Variants in THRB observed in about 807,000 individuals in gnomAD.
THRB encodes nuclear receptor subfamily 1 group A member 2.
In THRB, 12 loss-of-function variants were observed where a neutral mutation model predicts 47.8. The observed-to-expected ratio is 0.25, with a 90% CI of 0.16 to 0.41. The LOEUF is 0.41. THRB is among the 10% of genes least tolerant of loss of function. THRB has a pLI of 1.00. For synonymous variants in THRB, 218 were observed against 212.2 expected, an observed-to-expected ratio of 1.03 and a Z score of -0.24; for missense variants, 348 against 589.2, an observed-to-expected ratio of 0.59 and a Z score of 4.24.
intron 1 of THRB, among the ~76,000 whole-genome samples, chr3:24,469,566 C>T (rs1412000234): frequency 6.6e-6 from 1 of 152,182 alleles, no homozygotes; most frequent in African/African-American, 2.4e-5. Context: ...ATTCAACCTA[C>T]TTCTGAAGAG....
At chr3:24,185,657 T>C (rs566382794) in intron 5 of THRB, among the ~76,000 whole-genome samples, 11 of 152,260 alleles carry the variant, frequency 7.2e-5, no homozygotes, top group African/African-American at 2.6e-4. Context: ...CTGCCTTGTT[T>C]CTCCCCTTGG....
intron 4 of THRB, among the ~76,000 whole-genome samples, chr3:24,226,372 T>C (rs140404831): frequency 6.6e-6 from 1 of 152,192 alleles, no homozygotes; most frequent in African/African-American, 2.4e-5. Flanking sequence ...GAAAAGAACA[T>C]TGTTTTATCT....
chr3:24,219,922 G>A (rs1451755649), intron 4 of THRB, among the ~76,000 whole-genome samples: 1 of 152,188 alleles, frequency 6.6e-6, no homozygotes, highest in Non-Finnish European at 1.5e-5. Flanking sequence ...CAGATGCGTA[G>A]CGGAATCACT....
intron 2 of THRB, among the ~76,000 whole-genome samples, chr3:24,313,128 T>C (rs1444507232): frequency 1.3e-5 from 2 of 152,112 alleles, no homozygotes; most frequent in African/African-American, 2.4e-5. Context: ...TGCCGCCATT[T>C]ACTGAGATGG....
intron 1 of THRB, among the ~76,000 whole-genome samples, chr3:24,453,771 T>A (rs750669048): frequency 6.6e-6 from 1 of 152,180 alleles, no homozygotes; most frequent in South Asian, 2.1e-4. Context: ...TCTCCTACCC[T>A]TCTCTACCTT....
At chr3:24,351,753 AACACCTGTAGGACAGAC>A (rs2063369863) in intron 1 of THRB, among the ~76,000 whole-genome samples, 1 of 152,184 alleles carries the variant, frequency 6.6e-6, no homozygotes. Flanking sequence ...TGAGAAGCTT[AACACCTGTAGGACAGAC>A]ACTTCCTGTC....
chr3:24,440,965 T>G (rs1187704967), intron 1 of THRB, among the ~76,000 whole-genome samples: 1 of 152,220 alleles, frequency 6.6e-6, no homozygotes, highest in Non-Finnish European at 1.5e-5. Flanking sequence ...AGCCCTTTGT[T>G]CAGGATCTCA....
At chr3:24,456,331 TC>T (rs1358550450) in intron 1 of THRB, among the ~76,000 whole-genome samples, 2 of 148,774 alleles carry the variant, frequency 1.3e-5, no homozygotes, top group Non-Finnish European at 3.0e-5. Context: ...TGAGACCCTG[TC>T]TAAAAAAAAA....
chr3:24,200,354 T>C (rs1045056293), intron 4 of THRB, among the ~76,000 whole-genome samples: 1 of 152,224 alleles, frequency 6.6e-6, no homozygotes, highest in African/African-American at 2.4e-5. Context: ...GTGAATCTTT[T>C]CTGACTTTGG....
At chr3:24,216,621 T>C (rs138892490) in intron 4 of THRB, among the ~76,000 whole-genome samples, 11 of 152,036 alleles carry the variant, frequency 7.2e-5, no homozygotes, top group African/African-American at 2.4e-4. Context: ...AAAAAAAATA[T>C]ATGAATTGCT....
chr3:24,491,775 C>T (rs1698175750), intron 1 of THRB, among the ~76,000 whole-genome samples: 2 of 152,332 alleles, frequency 1.3e-5, no homozygotes, highest in South Asian at 4.1e-4. Context: ...TGGAATTTCA[C>T]TCTTAGCACT....
chr3:24,426,867 A>T (rs2069820327), intron 1 of THRB, among the ~76,000 whole-genome samples: 1 of 152,004 alleles, frequency 6.6e-6, no homozygotes, highest in Non-Finnish European at 1.5e-5. Flanking sequence ...CCCATATGGA[A>T]TACGCTTGTG....
intron 5 of THRB, among the ~76,000 whole-genome samples, chr3:24,186,807 A>G (rs757995404): frequency 2.6e-5 from 4 of 151,938 alleles, no homozygotes; most frequent in Admixed American, 6.6e-5. Flanking sequence ...TTAGCTGGGC[A>G]TGTGGTGCAT....
At chr3:24,212,572 C>T (rs1232947625) in intron 4 of THRB, among the ~76,000 whole-genome samples, 3 of 91,880 alleles carry the variant, frequency 3.3e-5, no homozygotes, top group South Asian at 4.7e-4. Context: ...AGAACGACTC[C>T]GTCTCAAAAA....
chr3:24,139,296 T>C (rs1321935525), intron 8 of THRB, among the ~76,000 whole-genome samples: 4 of 152,226 alleles, frequency 2.6e-5, no homozygotes, highest in African/African-American at 9.6e-5. Context: ...TGCCAAAGAC[T>C]CTAATTTTCT....
intron 3 of THRB, among the ~76,000 whole-genome samples, chr3:24,284,779 A>G (rs2055065270): frequency 6.6e-6 from 1 of 150,670 alleles, no homozygotes; most frequent in African/African-American, 2.5e-5. Context: ...GAGGACATGA[A>G]CAGACACTTC....
intron 1 of THRB, among the ~76,000 whole-genome samples, chr3:24,354,400 C>A (rs1428709695): frequency 1.3e-5 from 2 of 152,120 alleles, no homozygotes; most frequent in Non-Finnish European, 2.9e-5. Flanking sequence ...GTTAAAGGAA[C>A]TTCAAATGCT....
At chr3:24,268,720 G>T (rs185798424) in intron 3 of THRB, among the ~76,000 whole-genome samples, 106 of 152,210 alleles carry the variant, frequency 7.0e-4, no homozygotes, top group Non-Finnish European at 1.0e-3. Flanking sequence ...AATCTAGAAA[G>T]AATGTTCTTC....
chr3:24,187,295 C>T (rs750594920), intron 5 of THRB, among the ~76,000 whole-genome samples: 6 of 152,196 alleles, frequency 3.9e-5, no homozygotes, highest in Non-Finnish European at 5.9e-5. Flanking sequence ...GTATTTGCAT[C>T]AATAGAAATG....
Sources: allele counts gnomAD v4.1 joint callset (sites outside exome capture counted in the v4.1 genomes callset), GRCh38; gene constraint gnomAD v4.1.1; transcripts MANE v1.5; gene names NCBI Gene and HGNC (gene_info 2026-07-23, HGNC 2026-07-21).